The following TCF7L2 variants were observed in gnomAD, a reference collection of about 807,000 sequenced individuals.
TCF7L2 encodes transcription factor 7-like 2.
A neutral mutation model predicts 77.9 loss-of-function variants in TCF7L2; 23 were observed. That is an observed-to-expected ratio of 0.30 (90% CI 0.21 to 0.42). The LOEUF is 0.42. Ranked by LOEUF, TCF7L2 falls within the 10% of genes least tolerant of loss-of-function variation. TCF7L2 has a pLI of 1.00. For missense variants in TCF7L2, 654 were observed against 793.1 expected (o/e 0.82, Z 2.11); for synonymous variants, 413 against 340.2 (o/e 1.21, Z -2.36).
intron 4 of TCF7L2, among the ~76,000 whole-genome samples, chr10:113,015,791 A>T (rs1009415606): frequency 6.6e-6 from 1 of 152,144 alleles, no homozygotes; most frequent in African/African-American, 2.4e-5. Context: ...GCCTGTGCTC[A>T]ATTGATTTTC....
intron 5 of TCF7L2, among the ~76,000 whole-genome samples, chr10:113,046,211 A>G (rs1444263120): frequency 6.6e-6 from 1 of 152,210 alleles, no homozygotes; most frequent in Admixed American, 6.5e-5. Flanking sequence ...CCATGGCAAT[A>G]GAAAATATCC....
intron 4 of TCF7L2, among the ~76,000 whole-genome samples, chr10:113,028,958 A>T (rs1245543577): frequency 6.6e-6 from 1 of 152,208 alleles, no homozygotes; most frequent in East Asian, 1.9e-4. Context: ...TAGACCTAAA[A>T]TTTCTGGCTG....
At chr10:113,084,154 A>G (rs2059591251) in intron 5 of TCF7L2, among the ~76,000 whole-genome samples, 1 of 152,206 alleles carries the variant, frequency 6.6e-6, no homozygotes, top group Non-Finnish European at 1.5e-5. Context: ...AATAGGATGT[A>G]TGTGTTTATA....
chr10:113,107,772 A>AAAAAAC, intron 5 of TCF7L2, among the ~76,000 whole-genome samples: 1 of 151,132 alleles, frequency 6.6e-6, no homozygotes, highest in Non-Finnish European at 1.5e-5. Flanking sequence ...AAAAAAAAAA[A>AAAAAAC]AAAACAACAA....
In TCF7L2 at chr10:113,105,450, G is replaced by A. The variant is rs180884632; in HGVS notation, c.553-35734G>A. On this transcript the variant is annotated intron_variant, in intron 5 of 13. Coordinates refer to ENST00000627217, the MANE Select transcript of TCF7L2 (RefSeq NM_001146274.2). Reference sequence around the variant, plus strand: ...TCATGTGAATTGTCTTGGTAATGAGGCTGCCCAGGAAAGCCATAACACAGG... The same window carrying A: ...TCATGTGAATTGTCTTGGTAATGAGACTGCCCAGGAAAGCCATAACACAGG... 4.0e-3 allele frequency among the ~76,000 whole-genome samples: 613 copies of A among 152,234 alleles called. 3 individuals are homozygous for A. Among genetic ancestry groups the A allele is most frequent in the Non-Finnish European group, 4.5e-3 (306 of 68,010 alleles).
At chr10:113,099,107 TG>T (rs2061360621) in intron 5 of TCF7L2, among the ~76,000 whole-genome samples, 1 of 152,218 alleles carries the variant, frequency 6.6e-6, no homozygotes, top group Non-Finnish European at 1.5e-5. Flanking sequence ...CATTGTGGGC[TG>T]TCCTTGCCTG....
chr10:112,970,326 T>C (rs1453997710), intron 4 of TCF7L2, among the ~76,000 whole-genome samples: 2 of 151,668 alleles, frequency 1.3e-5, no homozygotes, highest in South Asian at 2.1e-4. Flanking sequence ...TGCTTGCAAG[T>C]TCCCATCTGA....
chr10:113,136,716 A>C (rs1448423405), intron 5 of TCF7L2, among the ~76,000 whole-genome samples: 1 of 152,230 alleles, frequency 6.6e-6, no homozygotes, highest in Non-Finnish European at 1.5e-5. Context: ...CTGCAGGCTA[A>C]TGAGCCCACC....
intron 13 of TCF7L2, among the ~76,000 whole-genome samples, chr10:113,164,333 G>A (rs946607694): frequency 1.3e-5 from 2 of 152,224 alleles, no homozygotes; most frequent in South Asian, 2.1e-4. Context: ...GTGAAGAGGG[G>A]AGATGCTGGT....
At chr10:113,123,197 C>T (rs1298126946) in intron 5 of TCF7L2, among the ~76,000 whole-genome samples, 2 of 152,176 alleles carry the variant, frequency 1.3e-5, no homozygotes, top group Non-Finnish European at 1.5e-5. Flanking sequence ...TAATTTGATA[C>T]TAGTGCTGAT....
intron 4 of TCF7L2, among the ~76,000 whole-genome samples, chr10:112,987,306 C>T (rs899328517): frequency 1.3e-5 from 2 of 152,012 alleles, no homozygotes; most frequent in African/African-American, 4.8e-5. Flanking sequence ...GTAAAATAGG[C>T]ATAGTAAAAC....
chr10:113,141,097 C>T lies in TCF7L2; in HGVS notation c.553-87C>T, dbSNP rs890292965. 5 of 1,553,156 alleles carry T rather than the reference C, an allele frequency of 3.2e-6. No individual in the cohort carries two copies. The African/African-American group carries it at 5.4e-5, about 17-fold the overall frequency. Reference sequence around the variant, plus strand: ...AGAAAATCCAGGTGAGAGGCTGTGGCCAAGGGAACCCACGGGCCCGGTGCT... The same window carrying T: ...AGAAAATCCAGGTGAGAGGCTGTGGTCAAGGGAACCCACGGGCCCGGTGCT... On this transcript the variant is annotated intron_variant, in intron 5 of 13. Transcript: ENST00000627217.
chr10:112,980,221 C>T (rs2040223393), intron 4 of TCF7L2, among the ~76,000 whole-genome samples: 1 of 152,164 alleles, frequency 6.6e-6, no homozygotes, highest in Non-Finnish European at 1.5e-5. Context: ...AGAAAGCCTC[C>T]GCTTTGCGGG....
intron 3 of TCF7L2, among the ~76,000 whole-genome samples, chr10:112,962,206 A>G (rs998356223): frequency 6.6e-6 from 1 of 152,194 alleles, no homozygotes; most frequent in Non-Finnish European, 1.5e-5. Flanking sequence ...AATTGACAAT[A>G]TAAGATTCCT....
chr10:113,049,254 G>C (rs2053982188), intron 5 of TCF7L2, among the ~76,000 whole-genome samples: 1 of 151,972 alleles, frequency 6.6e-6, no homozygotes, highest in African/African-American at 2.4e-5. Flanking sequence ...AAATAGACAG[G>C]AAATTAGCAT....
chr10:113,107,465 C>T (rs530279348), intron 5 of TCF7L2, among the ~76,000 whole-genome samples: 6 of 152,146 alleles, frequency 3.9e-5, no homozygotes, highest in Admixed American at 1.3e-4. Context: ...AAGTTGCGGC[C>T]GGGCGTGGTG....
rs1164029851 is a variant in TCF7L2, at chr10:113,051,240, CACAGACACAT to C, written c.552+11118_552+11127del. ...ACACACACACACACACACACACACACACAGACACATACATATGCACACACCCCGACTCAAT... is the reference window on the plus strand; with the variant it reads ...ACACACACACACACACACACACACACACATATGCACACACCCCGACTCAAT... On this transcript the variant is annotated intron_variant, in intron 5 of 13. Coordinates refer to ENST00000627217, the MANE Select transcript of TCF7L2 (RefSeq NM_001146274.2). Among the ~76,000 whole-genome samples the C allele has an allele frequency of 1.7e-3, 208 of 122,002 alleles. 1 individual carries two copies. The highest frequency in any genetic ancestry group is 3.3e-3 in the African/African-American group (125 of 37,346). The allele number at this position is 122,002 out of a possible 152,430, so 80.0% of individuals were successfully genotyped here. A position where few individuals can be genotyped will look rare whatever the true frequency, so the allele number is the denominator to read the frequency against.
intron 4 of TCF7L2, among the ~76,000 whole-genome samples, chr10:112,977,146 C>T (rs1408628022): frequency 6.6e-6 from 1 of 152,136 alleles, no homozygotes; most frequent in Non-Finnish European, 1.5e-5. Flanking sequence ...ATTCTTTTCT[C>T]TTTCCAAACC....
chr10:112,981,195 T>TA (rs1252844599), intron 4 of TCF7L2, among the ~76,000 whole-genome samples: 1 of 151,984 alleles, frequency 6.6e-6, no homozygotes, highest in Admixed American at 6.6e-5. Flanking sequence ...TCACAGAAGA[T>TA]ACGATTTGTG....
Sources: gnomAD v4.1 joint callset for allele counts (sites outside exome capture counted in the v4.1 genomes callset) on GRCh38, gnomAD v4.1.1 for gene constraint, MANE v1.5 for transcripts, NCBI Gene and HGNC (gene_info 2026-07-23, HGNC 2026-07-21) for gene names.